SHTN1: variants seen among roughly 807,000 people sequenced by gnomAD.
SHTN1 encodes shootin-1.
SHTN1 carries 42 observed loss-of-function variants against 83.1 expected under a neutral mutation model. That is an observed-to-expected ratio of 0.51 (90% CI 0.39 to 0.65). The LOEUF is 0.65. Ranked by LOEUF, SHTN1 falls within the 30% of genes least tolerant of loss-of-function variation. SHTN1 has a pLI of 0.00. For synonymous variants in SHTN1, 224 were observed against 247.7 expected, an observed-to-expected ratio of 0.90 and a Z score of 0.90; for missense variants, 622 against 737.8, an observed-to-expected ratio of 0.84 and a Z score of 1.82.
chr10:116,909,487 C>T (rs1848105406), intron 14 of SHTN1, among the ~76,000 whole-genome samples: 1 of 152,210 alleles, frequency 6.6e-6, no homozygotes, highest in Non-Finnish European at 1.5e-5. Flanking sequence ...TCACCACTGT[C>T]ACTTAGAGTG....
intron 9 of SHTN1, among the ~76,000 whole-genome samples, chr10:116,933,647 T>C (rs1849051099): frequency 6.6e-6 from 1 of 152,230 alleles, no homozygotes; most frequent in African/African-American, 2.4e-5. Context: ...TGTGTCTTTA[T>C]AGTAGAACAA....
chr10:116,938,539 C>T (rs1348816646), intron 9 of SHTN1, among the ~76,000 whole-genome samples: 1 of 152,204 alleles, frequency 6.6e-6, no homozygotes, highest in African/African-American at 2.4e-5. Flanking sequence ...CCTCTGGAAG[C>T]TTCATCCCAG....
At chr10:116,929,225 A>G (rs1017899356) in intron 10 of SHTN1, among the ~76,000 whole-genome samples, 2 of 152,216 alleles carry the variant, frequency 1.3e-5, no homozygotes, top group African/African-American at 4.8e-5. Flanking sequence ...CCGACCTTCC[A>G]ACAGAGACTT....
At chr10:117,012,129 ACTC>A (rs893973444) in intron 2 of SHTN1, among the ~76,000 whole-genome samples, 4 of 146,548 alleles carry the variant, frequency 2.7e-5, no homozygotes, top group African/African-American at 1.0e-4. Context: ...ACAGAATGAG[ACTC>A]CATCTCAAAA....
chr10:117,108,645 A>T (rs1853706397), intron 1 of SHTN1, among the ~76,000 whole-genome samples: 1 of 152,014 alleles, frequency 6.6e-6, no homozygotes, highest in East Asian at 1.9e-4. Context: ...AACATGGCAC[A>T]TGTATACATA....
chr10:116,892,641 A>G (rs1422722151), intron 16 of SHTN1, among the ~76,000 whole-genome samples: 1 of 152,142 alleles, frequency 6.6e-6, no homozygotes, highest in Admixed American at 6.5e-5. Flanking sequence ...TTTTCTTTCA[A>G]TTTACTGTGT....
intron 1 of SHTN1, among the ~76,000 whole-genome samples, chr10:117,111,835 G>T (rs1055653229): frequency 6.6e-6 from 1 of 152,134 alleles, no homozygotes; most frequent in Non-Finnish European, 1.5e-5. Context: ...AATGTGAGAG[G>T]TTGTAAATGT....
rs1267996169 is a variant in SHTN1 at position 116,881,887 on chromosome 10, TTTTG to T, written c.*4453_*4456del. The T allele has an allele frequency of 8.8e-5, 35 of 397,254 alleles. No homozygotes were observed. Among genetic ancestry groups the T allele is most frequent in the Middle Eastern group, 6.4e-4 (1 of 1,558 alleles). The allele number at this position is 397,254 out of a possible 1,614,324, so 24.6% of individuals were successfully genotyped here. ...TGCAGCCACCACACTTCCATGTGGA[TTTTG>T]TTTGTCTATTAGCTCTCCTGTCCAT... On this transcript the variant is annotated 3_prime_UTR_variant, in exon 17 of 17. Transcript: ENST00000355371.
At chr10:116,986,210 C>T (rs1851212604) in intron 1 of SHTN1, among the ~76,000 whole-genome samples, 1 of 152,104 alleles carries the variant, frequency 6.6e-6, no homozygotes, top group Non-Finnish European at 1.5e-5. Flanking sequence ...TCATTCCGTC[C>T]TCACAACAAA....
chr10:117,032,382 T>G (rs1449371537), intron 2 of SHTN1, among the ~76,000 whole-genome samples: 1 of 152,076 alleles, frequency 6.6e-6, no homozygotes, highest in African/African-American at 2.4e-5. Context: ...TTTTTATATT[T>G]TTAGTAGAGA....
intron 1 of SHTN1, among the ~76,000 whole-genome samples, chr10:117,113,001 A>G (rs559798114): frequency 4.6e-5 from 7 of 152,162 alleles, no homozygotes; most frequent in South Asian, 4.1e-4. Flanking sequence ...ACTGTTTCTT[A>G]TAAGTGTCAT....
intron 13 of SHTN1, 40 bp downstream of exon 13, chr10:116,915,334 GA>G: frequency 9.5e-7 from 1 of 1,050,688 alleles, no homozygotes; most frequent in Middle Eastern, 2.0e-4. Flanking sequence ...TTTAAAAAAG[GA>G]AATATCAAAC....
At chr10:116,900,688 T>C in intron 16 of SHTN1, 2 of 1,461,720 alleles carry the variant, frequency 1.4e-6, no homozygotes, top group Non-Finnish European at 1.8e-6. Flanking sequence ...GTTAAACAAA[T>C]TTAATAGGAA....
At chr10:116,967,481 A>G (rs1464643427) in intron 3 of SHTN1, among the ~76,000 whole-genome samples, 1 of 152,218 alleles carries the variant, frequency 6.6e-6, no homozygotes, top group Non-Finnish European at 1.5e-5. Context: ...TATTTCATGC[A>G]TACAACATGA....
At chr10:116,946,747 T>G (rs1849609787) in intron 7 of SHTN1, among the ~76,000 whole-genome samples, 1 of 150,708 alleles carries the variant, frequency 6.6e-6, no homozygotes, top group Non-Finnish European at 1.5e-5. Context: ...GGAGTCTCAC[T>G]ATGTCTGTCG....
At chr10:116,889,046 AG>A (rs1847252627) in intron 16 of SHTN1, among the ~76,000 whole-genome samples, 1 of 152,246 alleles carries the variant, frequency 6.6e-6, no homozygotes, top group East Asian at 1.9e-4. Context: ...CAAAGGAGGT[AG>A]TATTTCTCTC....
At chr10:116,917,992 G>A (rs142865166) in intron 12 of SHTN1, among the ~76,000 whole-genome samples, 2 of 152,210 alleles carry the variant, frequency 1.3e-5, no homozygotes, top group South Asian at 2.1e-4. Context: ...CAATCTATAC[G>A]AACTTCTAAA....
chr10:116,895,574 A>T (rs1847489673), intron 16 of SHTN1, among the ~76,000 whole-genome samples: 1 of 152,180 alleles, frequency 6.6e-6, no homozygotes, highest in Non-Finnish European at 1.5e-5. Flanking sequence ...GAAACTACCT[A>T]TGAGTATGCA....
intron 3 of SHTN1, 42 bp from the exon 4 acceptor site, chr10:116,960,272 A>G: frequency 9.0e-7 from 1 of 1,113,108 alleles, no homozygotes; most frequent in Non-Finnish European, 1.4e-6. Flanking sequence ...TTCAAAGATT[A>G]GTCAGCTATT....
Sources: gnomAD v4.1 joint callset for allele counts (sites outside exome capture counted in the v4.1 genomes callset) on GRCh38, gnomAD v4.1.1 for gene constraint, MANE v1.5 for transcripts, NCBI Gene and HGNC (gene_info 2026-07-23, HGNC 2026-07-21) for gene names.